ANGPTL6: variants seen among roughly 807,000 people sequenced by gnomAD.
ANGPTL6 encodes the protein angiopoietin like 6.
ANGPTL6 carries 45 observed loss-of-function variants against 47.4 expected under a neutral mutation model. The ratio of observed to expected loss-of-function variants is 0.95; its 90% confidence interval spans 0.75 to 1.22. The LOEUF (loss-of-function observed/expected upper bound fraction) is 1.22. Among genes scored for constraint, ANGPTL6 ranks in the 50% most tolerant of loss-of-function variants. The pLI, the probability that ANGPTL6 is intolerant of heterozygous loss-of-function variation, is 0.00. For synonymous variants in ANGPTL6, 290 were observed against 295.9 expected, an observed-to-expected ratio of 0.98 and a Z score of 0.20; for missense variants, 698 against 669.4, an observed-to-expected ratio of 1.04 and a Z score of -0.47.
Position 10,093,928 on chromosome 19 carries a change from C to T in ANGPTL6, c.764-48G>A, listed in dbSNP as rs757751494. ...GAGGCACAGCCTGGGCTGACCAATC[C>T]CTTACTGGAGCAAGAGTCAAGATTC... On this transcript the variant is annotated intron_variant, in intron 3 of 5. Coordinates refer to ENST00000253109, the MANE Select transcript of ANGPTL6 (RefSeq NM_031917.3). The T allele has an allele frequency of 7.0e-6, 11 of 1,579,084 alleles. No homozygotes were observed. The East Asian group carries it at 1.3e-4, about 19-fold the overall frequency.
upstream of ANGPTL6, among the ~76,000 whole-genome samples, chr19:10,104,546 T>C (rs2088771156): frequency 6.6e-6 from 1 of 152,180 alleles, no homozygotes; most frequent in Non-Finnish European, 1.5e-5. Flanking sequence ...AGCTTTAACA[T>C]GTTAAAGTTA....
At chr19:10,095,557 C>A (rs930705928) in intron 2 of ANGPTL6, among the ~76,000 whole-genome samples, 1 of 152,192 alleles carries the variant, frequency 6.6e-6, no homozygotes, top group Non-Finnish European at 1.5e-5. Flanking sequence ...AACTTACTGA[C>A]TCCTCTCACC....
rs115322215 is a variant in ANGPTL6 at position 10,102,345 on chromosome 19, A to G, written c.-11+223T>C. ...AGACACCAAGCAGGGGCTCACAAGGATCCGGGGGTAGGGTCCTCTCTTTGT... is the reference window on the plus strand; with the variant it reads ...AGACACCAAGCAGGGGCTCACAAGGGTCCGGGGGTAGGGTCCTCTCTTTGT... On this transcript the variant is annotated intron_variant, in intron 1 of 5. Transcript: ENST00000253109. Among the ~76,000 whole-genome samples, 649 of 151,526 alleles carry G rather than the reference A, an allele frequency of 4.3e-3. 9 individuals carry two copies. Among genetic ancestry groups the G allele is most frequent in the African/African-American group, 0.015 (620 of 41,424 alleles).
intron 3 of ANGPTL6, 33 bp from the exon 4 acceptor site, chr19:10,093,913 C>T: frequency 6.3e-7 from 1 of 1,597,212 alleles, no homozygotes; most frequent in Non-Finnish European, 8.5e-7. Flanking sequence ...GAGGCACAGC[C>T]TGGGCTGACC....
chr19:10,094,864 CA>C lies in ANGPTL6; in HGVS notation c.656del (p.Met219SerfsTer64). 1 of 1,614,224 alleles carries C rather than the reference CA, an allele frequency of 6.2e-7. No individual in the cohort carries two copies. ...TCTGGGGCTCTGGGGCTGGGTCCAG[CA>C]TCCTACTGGTGTCACTGGTGCTACC... ...LVGSTSDTSR[M>X]LDPAPEPQRD... On this transcript the variant is annotated frameshift_variant, in exon 3 of 6. Coordinates refer to ENST00000253109, the MANE Select transcript of ANGPTL6 (RefSeq NM_031917.3). LOFTEE classifies it high-confidence loss of function.
intron 3 of ANGPTL6, among the ~76,000 whole-genome samples, chr19:10,094,231 C>T (rs898886421): frequency 1.3e-5 from 2 of 152,044 alleles, no homozygotes; most frequent in Admixed American, 6.6e-5. Flanking sequence ...ACTGCAACCT[C>T]ATCCTCCCAG....
chr19:10,102,325 C>A (rs1336196254), intron 1 of ANGPTL6, among the ~76,000 whole-genome samples: 1 of 151,494 alleles, frequency 6.6e-6, no homozygotes, highest in African/African-American at 2.4e-5. Flanking sequence ...GACTCAGACA[C>A]CAAGCAGGGG....
chr19:10,100,260 AAAAG>A (rs1407544398), intron 1 of ANGPTL6, among the ~76,000 whole-genome samples: 1 of 151,776 alleles, frequency 6.6e-6, no homozygotes, highest in African/African-American at 2.4e-5. Context: ...AAAAAGAAAA[AAAAG>A]AGAGAGTCGT....
At chr19:10,102,787 C>G (rs888064564), upstream of ANGPTL6, 15 of 983,508 alleles carry the variant, frequency 1.5e-5, no homozygotes, top group African/African-American at 1.7e-5. Context: ...TTTAGCATTT[C>G]CCGAATGAGA....
upstream of ANGPTL6, among the ~76,000 whole-genome samples, chr19:10,103,830 C>G (rs1295584186): frequency 1.3e-5 from 2 of 150,756 alleles, no homozygotes; most frequent in Admixed American, 1.3e-4. Context: ...CGCGGTGGCT[C>G]ACGCCTGTAA....
chr19:10,098,204 A>C (rs902836595), intron 1 of ANGPTL6, among the ~76,000 whole-genome samples: 1 of 151,798 alleles, frequency 6.6e-6, no homozygotes, highest in Non-Finnish European at 1.5e-5. Flanking sequence ...CTATTTTGTA[A>C]ATCTGGGCTC....
Position 10,096,422 on chromosome 19 carries a change from C to T in ANGPTL6, c.142G>A (p.Ala48Thr), listed in dbSNP as rs550598317. 1.1e-5 allele frequency: 15 copies of T among 1,343,144 alleles called. 1 individual carries two copies. Among genetic ancestry groups the T allele is most frequent in the Middle Eastern group, 5.2e-4 (2 of 3,858 alleles). The allele number at this position is 1,343,144 out of a possible 1,614,324, so 83.2% of individuals were successfully genotyped here. Reference protein sequence around the residue: ...FTGAVCWSGPASTRATPEAAN... With the variant: ...FTGAVCWSGPTSTRATPEAAN... The stretch of plus-strand genomic sequence containing the variant: ...GCCTCGGGCGTCGCCCGCGTGGATG[C>T]GGGGCCGCTCCAGCACACAGCGCCC... Residue 48 changes from alanine (A) to threonine (T), a missense_variant, in exon 2 of 6, where the codon GCA becomes ACA. Transcript: ENST00000253109.
chr19:10,099,572 A>C (rs570218922), intron 1 of ANGPTL6, among the ~76,000 whole-genome samples: 8 of 89,476 alleles, frequency 8.9e-5, no homozygotes, highest in African/African-American at 4.2e-4. Context: ...GCAAGACTCC[A>C]TCTCAAAAAA....
At position 10,096,172 on chromosome 19, in the gene ANGPTL6, T is replaced by TCCGCCCCCAGATCCGCCC. The variant is rs1206751815; in HGVS notation, c.374_391dup (p.Gly125_Ala130dup). 7.7e-7 allele frequency: 1 copy of TCCGCCCCCAGATCCGCCC among 1,298,172 alleles called. No individual in the cohort carries two copies. Among genetic ancestry groups the TCCGCCCCCAGATCCGCCC allele is most frequent in the Non-Finnish European group, 9.8e-7 (1 of 1,023,212 alleles). The allele number at this position is 1,298,172 out of a possible 1,614,324, so 80.4% of individuals were successfully genotyped here. ...GAGCAGCGCCAGCGCCGCGGCAGGC[T>TCCGCCCCCAGATCCGCCC]CCGCCCCCAGATCCGCCCCCGGGCC... On this transcript the variant is annotated inframe_insertion, in exon 2 of 6. Coordinates refer to ENST00000253109, the MANE Select transcript of ANGPTL6 (RefSeq NM_031917.3).
chr19:10,104,097 A>T (rs529480284), upstream of ANGPTL6, among the ~76,000 whole-genome samples: 4 of 151,486 alleles, frequency 2.6e-5, no homozygotes, highest in Non-Finnish European at 5.9e-5. Flanking sequence ...AAAAAAAAAA[A>T]AAAAGAAAAG....
chr19:10,102,435 T>G, intron 1 of ANGPTL6, 133 bp downstream of exon 1: 2 of 386,780 alleles, frequency 5.2e-6, no homozygotes, highest in Non-Finnish European at 7.0e-6. Flanking sequence ...AACTGGGACG[T>G]GTGTATAACA....
At position 10,093,372 on chromosome 19, in the gene ANGPTL6, T is replaced by G. The variant is rs1253857643; in HGVS notation, c.1199A>C (p.Asp400Ala). The G allele has an allele frequency of 1.2e-6, 2 of 1,613,910 alleles. No individual in the cohort carries two copies. The highest frequency in any genetic ancestry group is 2.2e-5 in the South Asian group (2 of 91,072). Residue 400 changes from aspartate (D) to alanine (A), a missense_variant, in exon 5 of 6, where the codon GAT (aspartate) becomes GCT (alanine). Asp to Ala is a moderately radical substitution (Grantham distance 126). Coordinates refer to ENST00000253109, the MANE Select transcript of ANGPTL6 (RefSeq NM_031917.3). Reference sequence around the variant, plus strand: ...ACCAGAATAGGAGTCTCGGTCCCTATCCACGGTGCTGAAGGGCTTGTCATT... The same window carrying G: ...ACCAGAATAGGAGTCTCGGTCCCTAGCCACGGTGCTGAAGGGCTTGTCATT... ...WHNDKPFSTV[D>A]RDRDSYSGNC...
At chr19:10,093,295 A>G in intron 5 of ANGPTL6, 54 bp downstream of exon 5, 1 of 1,570,550 alleles carries the variant, frequency 6.4e-7, no homozygotes, top group Non-Finnish European at 8.7e-7. Context: ...TTCCCTCACC[A>G]GAACAGGAGT....
chr19:10,100,767 A>G (rs555603258), intron 1 of ANGPTL6, among the ~76,000 whole-genome samples: 2 of 152,352 alleles, frequency 1.3e-5, no homozygotes, highest in Non-Finnish European at 1.5e-5. Context: ...AACAGCCGCT[A>G]GGTAGGTCAG....
Sources: allele counts gnomAD v4.1 joint callset (sites outside exome capture counted in the v4.1 genomes callset), GRCh38; gene constraint gnomAD v4.1.1; transcripts MANE v1.5; gene names NCBI Gene and HGNC (gene_info 2026-07-23, HGNC 2026-07-21).